The following DCLK2 variants were observed in gnomAD, a reference collection of about 807,000 sequenced individuals.
DCLK2 encodes the protein doublecortin like kinase 2, also known as serine/threonine-protein kinase DCLK2.
A neutral mutation model predicts 78.4 loss-of-function variants in DCLK2; 31 were observed. That is an observed-to-expected ratio of 0.40 (90% CI 0.30 to 0.53). The LOEUF is 0.53. DCLK2 is among the 20% of genes least tolerant of loss of function. The pLI, the probability that DCLK2 is intolerant of heterozygous loss-of-function variation, is 0.61. For synonymous variants in DCLK2, 407 were observed against 374.9 expected (o/e 1.09, Z -0.99); for missense variants, 872 against 973.7 (o/e 0.90, Z 1.39).
chr4:150,184,671 G>A (rs549903467), intron 2 of DCLK2, among the ~76,000 whole-genome samples: 2 of 149,082 alleles, frequency 1.3e-5, no homozygotes, highest in Non-Finnish European at 3.0e-5. Flanking sequence ...GCGCGATCTC[G>A]GCTCACTGCA....
At chr4:150,171,451 A>G (rs1736524688) in intron 2 of DCLK2, among the ~76,000 whole-genome samples, 2 of 152,240 alleles carry the variant, frequency 1.3e-5, no homozygotes. Flanking sequence ...ACTGCACTCC[A>G]GCCTGGGCGA....
rs1448672358 is a variant in DCLK2, at chr4:150,256,229, G to C, written c.2283G>C (p.Trp761Cys). 3.3e-6 allele frequency: 5 copies of C among 1,513,040 alleles called. No individual in the cohort carries two copies. Among genetic ancestry groups the C allele is most frequent in the South Asian group, 1.2e-5 (1 of 80,630 alleles). The allele number at this position is 1,513,040 out of a possible 1,614,324, so 93.7% of individuals were successfully genotyped here. A position where few individuals can be genotyped will look rare whatever the true frequency, so the allele number is the denominator to read the frequency against. ...AAPGGERAGT[W>C]RRHRD is the part of the protein sequence containing the mutation. ...CGGGTGGTGAGCGGGCAGGAACCTG[G>C]CGCCGCCACCGAGACTGAGCCTCCT... Residue 761 changes from tryptophan (W) to cysteine (C), a missense_variant, in exon 16 of 16, where the codon TGG (tryptophan) becomes TGC (cysteine). Trp to Cys is a radical substitution (Grantham distance 215). This residue lies in a region of DCLK2 where 219 missense variants were observed against 230.1 expected (regional missense o/e 0.95). Coordinates refer to ENST00000296550, the MANE Select transcript of DCLK2 (RefSeq NM_001040260.4).
intron 2 of DCLK2, among the ~76,000 whole-genome samples, chr4:150,130,329 A>T (rs1359330969): frequency 6.6e-6 from 1 of 152,114 alleles, no homozygotes; most frequent in Non-Finnish European, 1.5e-5. Flanking sequence ...CAGAAGACAG[A>T]AGTGTGAGCC....
rs901089640 is a variant in DCLK2, at chr4:150,151,758, C to T, written c.757-41380C>T. ...TGGCCAACATAGTGAAACCCCGTCTCTACTAAAAATACAAAAATTAGCCAG... is the reference window on the plus strand; with the variant it reads ...TGGCCAACATAGTGAAACCCCGTCTTTACTAAAAATACAAAAATTAGCCAG... On this transcript the variant is annotated intron_variant, in intron 2 of 15. Transcript: ENST00000296550. Among the ~76,000 whole-genome samples, 11 of 152,160 alleles carry T rather than the reference C, an allele frequency of 7.2e-5. No homozygotes were observed. The South Asian group carries it at 2.3e-3, about 32-fold the overall frequency.
intron 5 of DCLK2, among the ~76,000 whole-genome samples, chr4:150,208,240 G>A (rs1188798556): frequency 6.6e-6 from 1 of 152,208 alleles, no homozygotes; most frequent in Non-Finnish European, 1.5e-5. Flanking sequence ...GAGGGGCTAA[G>A]CAGTTTTGAA....
Position 150,203,892 on chromosome 4 carries a change from A to T in DCLK2, c.1056+3A>T. 6.2e-7 allele frequency: 1 copy of T among 1,600,438 alleles called. No homozygotes were observed. The highest frequency in any genetic ancestry group is 2.2e-5 in the East Asian group (1 of 44,806). Reference sequence around the variant, plus strand: ...CAGGAAGTTTCAGAGGATTAAAGGTATGAAATAGGATATGTGGCATATTTG... The same window carrying T: ...CAGGAAGTTTCAGAGGATTAAAGGTTTGAAATAGGATATGTGGCATATTTG... On this transcript the variant is annotated splice_donor_region_variant and intron_variant, in intron 5 of 15. Coordinates refer to ENST00000296550, the MANE Select transcript of DCLK2 (RefSeq NM_001040260.4).
intron 4 of DCLK2, among the ~76,000 whole-genome samples, chr4:150,201,980 C>T (rs1739488117): frequency 6.6e-6 from 1 of 152,146 alleles, no homozygotes; most frequent in African/African-American, 2.4e-5. Context: ...CTGTGTACCT[C>T]CTTGCCTGCA....
chr4:150,249,522 G>C (rs763395581), intron 14 of DCLK2, 46 bp from the exon 15 acceptor site: 1 of 1,547,810 alleles, frequency 6.5e-7, no homozygotes, highest in Admixed American at 1.7e-5. Flanking sequence ...CAACTCAAAC[G>C]GGAGGATGGA....
intron 2 of DCLK2, among the ~76,000 whole-genome samples, chr4:150,183,688 G>T (rs1347052934): frequency 6.6e-6 from 1 of 151,628 alleles, no homozygotes; most frequent in Non-Finnish European, 1.5e-5. Flanking sequence ...AGGGCTACCT[G>T]GAAAAAGTAG....
intron 2 of DCLK2, among the ~76,000 whole-genome samples, chr4:150,138,580 G>A (rs4484277): frequency 6.6e-6 from 1 of 152,058 alleles, no homozygotes; most frequent in Non-Finnish European, 1.5e-5. Flanking sequence ...TCAGCACTTA[G>A]AACAGGCCAG....
At chr4:150,217,171 A>G (rs147331525) in intron 5 of DCLK2, among the ~76,000 whole-genome samples, 155 of 152,330 alleles carry the variant, frequency 1.0e-3, no homozygotes, top group African/African-American at 3.6e-3. Flanking sequence ...AGAGTAATTC[A>G]TTTACAGGAG....
Position 150,102,578 on chromosome 4 carries a change from C to G in DCLK2, c.522C>G (p.Ser174=). ...CTGTGAACATCAAGGGTGGGACATC[C>G]CGAGCGCTGGCTGCTGCCTCCTCTG... The part of the protein sequence containing the change: ...NWSVNIKGGT[S]RALAAASSVK... The change falls in exon 2 of 16, where the codon TCC becomes TCG. Residue 174 remains serine, a synonymous_variant. Coordinates refer to ENST00000296550, the MANE Select transcript of DCLK2 (RefSeq NM_001040260.4). 6.2e-7 allele frequency: 1 copy of G among 1,614,120 alleles called. No homozygotes were observed. Among genetic ancestry groups the G allele is most frequent in the Non-Finnish European group, 8.5e-7 (1 of 1,180,012 alleles).
intron 2 of DCLK2, among the ~76,000 whole-genome samples, chr4:150,144,683 C>T (rs912905498): frequency 1.3e-5 from 2 of 152,066 alleles, no homozygotes; most frequent in Admixed American, 1.3e-4. Flanking sequence ...AACTCTTGGG[C>T]TCAAGTGATC....
At chr4:150,218,498 G>A (rs1282929074) in intron 5 of DCLK2, among the ~76,000 whole-genome samples, 1 of 152,180 alleles carries the variant, frequency 6.6e-6, no homozygotes, top group East Asian at 1.9e-4. Flanking sequence ...ACCCAAATTA[G>A]CTCAAGAAAG....
intron 2 of DCLK2, among the ~76,000 whole-genome samples, chr4:150,132,461 A>G (rs998874154): frequency 6.6e-6 from 1 of 152,248 alleles, no homozygotes; most frequent in Non-Finnish European, 1.5e-5. Context: ...TTTCAATGCC[A>G]GGGATGGTAC....
Position 150,079,426 on chromosome 4 carries a change from C to T in DCLK2, c.399C>T (p.Thr133=), listed in dbSNP as rs777118684. ...CCATCGACGGCAGCCGGAAGGTCAC[C>T]AGCCTGGACGAGCTGCTGGAAGGTA... ...IYTIDGSRKV[T]SLDELLEGES... Residue 133 remains threonine (T), a synonymous_variant, in exon 1 of 16, where the codon ACC becomes ACT. Transcript: ENST00000296550. The T allele has an allele frequency of 6.5e-7, 1 of 1,542,924 alleles. No homozygotes were observed.
chr4:150,182,433 C>T (rs1029720603), intron 2 of DCLK2, among the ~76,000 whole-genome samples: 5 of 151,888 alleles, frequency 3.3e-5, no homozygotes, highest in Non-Finnish European at 7.4e-5. Flanking sequence ...TCTGGAATAA[C>T]GTTAGTTACA....
At chr4:150,123,756 G>A (rs889458346) in intron 2 of DCLK2, among the ~76,000 whole-genome samples, 38 of 152,170 alleles carry the variant, frequency 2.5e-4, no homozygotes, top group African/African-American at 8.4e-4. Context: ...AAAAATTAAC[G>A]TTGGACTGGG....
chr4:150,106,154 T>G (rs1338470162), intron 2 of DCLK2, among the ~76,000 whole-genome samples: 2 of 152,196 alleles, frequency 1.3e-5, no homozygotes, highest in African/African-American at 4.8e-5. Context: ...GATATTGCAT[T>G]TTCAGCGAAC....
Sources: allele counts gnomAD v4.1 joint callset (sites outside exome capture counted in the v4.1 genomes callset), GRCh38; gene constraint gnomAD v4.1.1; regional missense constraint gnomAD v4.1.1; transcripts MANE v1.5; gene names NCBI Gene and HGNC (gene_info 2026-07-23, HGNC 2026-07-21).